The following DOCK5 variants were observed in gnomAD, a reference collection of about 807,000 sequenced individuals.
The protein encoded by DOCK5 is dedicator of cytokinesis 5.
A neutral mutation model predicts 251.8 loss-of-function variants in DOCK5; 142 were observed. The observed-to-expected ratio is 0.56, with a 90% CI of 0.49 to 0.65. The LOEUF is 0.65. DOCK5 is among the 30% of genes least tolerant of loss of function. The pLI is 0.00. For synonymous variants in DOCK5, 842 were observed against 835.5 expected (o/e 1.01, Z -0.13); for missense variants, 2,111 against 2,312.3 (o/e 0.91, Z 1.79).
At position 25,368,286 on chromosome 8, in the gene DOCK5, C is replaced by T. The variant is rs200582989; in HGVS notation, c.3283+36C>T. The stretch of plus-strand genomic sequence containing the variant: ...AGCCTTGAACAGGCCTGATCACAAC[C>T]TCTGAGTGATAAGCATCCCACGATA... On this transcript the variant is annotated intron_variant, in intron 32 of 51. Coordinates refer to ENST00000276440, the MANE Select transcript of DOCK5 (RefSeq NM_024940.8). The T allele has an allele frequency of 3.6e-5, 57 of 1,571,976 alleles. No homozygotes were observed. The African/African-American group carries it at 6.8e-4, about 19-fold the overall frequency.
chr8:25,313,823 A>G (rs1805162967), intron 13 of DOCK5, among the ~76,000 whole-genome samples: 1 of 152,174 alleles, frequency 6.6e-6, no homozygotes, highest in Non-Finnish European at 1.5e-5. Context: ...GCCCACCTAT[A>G]TGACCTCATT....
intron 15 of DOCK5, among the ~76,000 whole-genome samples, chr8:25,320,088 A>T (rs1223834899): frequency 6.6e-6 from 1 of 152,156 alleles, no homozygotes; most frequent in Non-Finnish European, 1.5e-5. Context: ...TTTGAGCCCC[A>T]CAAGGGCTCT....
At position 25,325,402 on chromosome 8, in the gene DOCK5, G is replaced by C. The variant is rs1667364218; in HGVS notation, c.1758G>C (p.Leu586=). 10 of 1,613,938 alleles carry C rather than the reference G, an allele frequency of 6.2e-6. No homozygotes were observed. Among genetic ancestry groups the C allele is most frequent in the Non-Finnish European group, 8.5e-6 (10 of 1,179,868 alleles). Residue 586 remains leucine, a synonymous_variant, in exon 18 of 52, where the codon CTG becomes CTC. Transcript: ENST00000276440. ...NKKMEDAKFY[L]TLPGTKMEME... The stretch of plus-strand genomic sequence containing the variant: ...AAATGGAAGATGCTAAATTCTACCT[G>C]ACCCTGCCTGGAACCAAGATGGAGA...
At chr8:25,396,708 T>A (rs558388578) in intron 45 of DOCK5, among the ~76,000 whole-genome samples, 53 of 151,764 alleles carry the variant, frequency 3.5e-4, no homozygotes, top group Middle Eastern at 6.8e-3. Context: ...GGGTAGAAAT[T>A]AAAGGAGCCA....
At chr8:25,343,946 C>T (rs1422880971) in intron 25 of DOCK5, among the ~76,000 whole-genome samples, 1 of 152,184 alleles carries the variant, frequency 6.6e-6, no homozygotes, top group Non-Finnish European at 1.5e-5. Flanking sequence ...GCTGGGATTA[C>T]AGGTGTGCAC....
At chr8:25,395,478 A>G (rs1801329766) in intron 44 of DOCK5, 65 bp from the exon 45 acceptor site, 1 of 1,540,478 alleles carries the variant, frequency 6.5e-7, no homozygotes, top group South Asian at 1.2e-5. Context: ...GAAGAGTTAA[A>G]CTTTTTTCAG....
chr8:25,350,028 G>A (rs1478807583), intron 26 of DOCK5, among the ~76,000 whole-genome samples: 1 of 152,194 alleles, frequency 6.6e-6, no homozygotes, highest in African/African-American at 2.4e-5. Flanking sequence ...TTTACCAGGG[G>A]CAGGATGGGG....
intron 3 of DOCK5, among the ~76,000 whole-genome samples, chr8:25,270,404 C>A (rs1319298727): frequency 6.6e-6 from 1 of 152,056 alleles, no homozygotes; most frequent in African/African-American, 2.4e-5. Flanking sequence ...GCTTTTTTAG[C>A]CCTATTGGTG....
intron 1 of DOCK5, among the ~76,000 whole-genome samples, chr8:25,207,382 G>T (rs1435009487): frequency 6.6e-6 from 1 of 152,044 alleles, no homozygotes; most frequent in Non-Finnish European, 1.5e-5. Flanking sequence ...GCCTTCTATT[G>T]TAAGAAGATG....
intron 13 of DOCK5, among the ~76,000 whole-genome samples, chr8:25,313,968 G>A (rs895305133): frequency 2.6e-5 from 4 of 152,122 alleles, no homozygotes; most frequent in African/African-American, 9.6e-5. Context: ...TGTCTCACCT[G>A]TGTTTTCTCC....
intron 1 of DOCK5, among the ~76,000 whole-genome samples, chr8:25,226,079 A>G (rs978972546): frequency 6.6e-6 from 1 of 152,210 alleles, no homozygotes. Flanking sequence ...TTAAGAAAAA[A>G]TACTGAAGTC....
chr8:25,345,115 A>T (rs1024790887), intron 25 of DOCK5, among the ~76,000 whole-genome samples: 4 of 152,126 alleles, frequency 2.6e-5, no homozygotes, highest in Non-Finnish European at 5.9e-5. Context: ...TGAAAAAAAA[A>T]ATGTATAACT....
chr8:25,293,659 C>T (rs565256770), intron 6 of DOCK5, among the ~76,000 whole-genome samples: 26 of 152,180 alleles, frequency 1.7e-4, no homozygotes, highest in African/African-American at 5.8e-4. Context: ...CCCAGAAGAC[C>T]ATACCTACAG....
Position 25,319,670 on chromosome 8 carries a change from T to C in DOCK5, c.1536T>C (p.Thr512=). The change falls in exon 15 of 52, where the codon ACT becomes ACC. Residue 512 remains threonine, a synonymous_variant. Transcript: ENST00000276440. ...YQVKQPCWYE[T]VKVSIAIEEV... ...TCAAGCAGCCCTGTTGGTATGAGAC[T>C]GTCAAGGTGAGAATGAGTCATTTGT... The C allele has an allele frequency of 6.3e-7, 1 of 1,579,080 alleles. No individual in the cohort carries two copies. Among genetic ancestry groups the C allele is most frequent in the Non-Finnish European group, 8.6e-7 (1 of 1,161,898 alleles).
Position 25,368,221 on chromosome 8 carries a change from T to G in DOCK5, c.3254T>G (p.Phe1085Cys), listed in dbSNP as rs1261702748. 12 of 1,612,732 alleles carry G rather than the reference T, an allele frequency of 7.4e-6. No homozygotes were observed. Among genetic ancestry groups the G allele is most frequent in the Non-Finnish European group, 1.0e-5 (12 of 1,179,404 alleles). ...KYGDMRKEIG[F>C]RIRDMWYNLG... ...GGGGACATGAGAAAGGAAATCGGCT[T>G]TAGAATCCGGGACATGTGGTATAAC... The change falls in exon 32 of 52, where the codon TTT becomes TGT. Residue 1085 changes from phenylalanine to cysteine, a missense_variant. By Grantham distance (205) the Phe-to-Cys change is radical (BLOSUM62 -2). Around this residue, in one of 3 missense-constraint regions of DOCK5, gnomAD observed 1,717 missense variants for 1,892.4 expected, o/e 0.91. Transcript: ENST00000276440.
chr8:25,285,594 G>C (rs1804311447), intron 5 of DOCK5, among the ~76,000 whole-genome samples: 1 of 152,202 alleles, frequency 6.6e-6, no homozygotes, highest in Non-Finnish European at 1.5e-5. Flanking sequence ...GGAAGAGGGG[G>C]TAGGGGAACT....
rs528097410 is a variant in DOCK5 at position 25,199,990 on chromosome 8, C to T, written c.43+15039C>T. 6.6e-5 allele frequency among the ~76,000 whole-genome samples: 10 copies of T among 152,250 alleles called. No homozygotes were observed. The South Asian group carries it at 1.0e-3, about 16-fold the overall frequency. ...TTGTTAATTTACATTTTGCAGAATA[C>T]TGAGGCACATTTTCTGTGAACTTAT... On this transcript the variant is annotated intron_variant, in intron 1 of 51. Transcript: ENST00000276440.
Position 25,320,972 on chromosome 8 carries a change from T to G in DOCK5, c.1543-8T>G. The G allele has an allele frequency of 2.5e-6, 4 of 1,611,350 alleles. No homozygotes were observed. Among genetic ancestry groups the G allele is most frequent in the Non-Finnish European group, 3.4e-6 (4 of 1,178,158 alleles). Reference sequence around the variant, plus strand: ...TCTGTAAACTATTAATTTCTTACTATGACACAGGTATCCATTGCTATAGAA... The same window carrying G: ...TCTGTAAACTATTAATTTCTTACTAGGACACAGGTATCCATTGCTATAGAA... On this transcript the variant is annotated splice_region_variant and splice_polypyrimidine_tract_variant and intron_variant, in intron 15 of 51. Transcript: ENST00000276440.
intron 27 of DOCK5, among the ~76,000 whole-genome samples, chr8:25,354,727 A>G (rs1800537736): frequency 6.6e-6 from 1 of 152,244 alleles, no homozygotes; most frequent in Non-Finnish European, 1.5e-5. Flanking sequence ...GATACAGTTT[A>G]TTCCAGATAT....
Sources: gnomAD v4.1 joint callset for allele counts (sites outside exome capture counted in the v4.1 genomes callset) on GRCh38, gnomAD v4.1.1 for gene constraint, gnomAD v4.1.1 regional missense constraint, MANE v1.5 for transcripts, NCBI Gene and HGNC (gene_info 2026-07-23, HGNC 2026-07-21) for gene names.